The following EIF4ENIF1 variants were observed in gnomAD, a reference collection of about 807,000 sequenced individuals.
EIF4ENIF1 encodes the protein eukaryotic translation initiation factor 4E nuclear import factor 1, also known as eukaryotic translation initiation factor 4E transporter.
In EIF4ENIF1, 23 loss-of-function variants were observed where a neutral mutation model predicts 110.5. That is an observed-to-expected ratio of 0.21 (90% CI 0.15 to 0.29). The LOEUF is 0.29. Ranked by LOEUF, EIF4ENIF1 falls within the 10% of genes least tolerant of loss-of-function variation. The pLI, the probability that EIF4ENIF1 is intolerant of heterozygous loss-of-function variation, is 1.00. For synonymous variants in EIF4ENIF1, 440 were observed against 437.0 expected (o/e 1.01, Z -0.09); for missense variants, 1,031 against 1,221.1 (o/e 0.84, Z 2.32).
intron 3 of EIF4ENIF1, among the ~76,000 whole-genome samples, chr22:31,469,348 T>C (rs1215879318): frequency 3.3e-5 from 5 of 152,224 alleles, no homozygotes; most frequent in African/African-American, 1.2e-4. Flanking sequence ...ATGTTTGCAA[T>C]GATAAATTTT....
intron 15 of EIF4ENIF1, chr22:31,444,399 T>C: frequency 1.9e-6 from 1 of 519,544 alleles, no homozygotes. Flanking sequence ...GAACATATTT[T>C]CCCCAATATA....
chr22:31,491,947 A>C (rs2146136856), upstream of EIF4ENIF1, among the ~76,000 whole-genome samples: 2 of 152,320 alleles, frequency 1.3e-5, no homozygotes, highest in South Asian at 4.1e-4. Flanking sequence ...TTGCTCTCAA[A>C]TCTGCAAAAT....
chr22:31,473,583 C>T (rs2051465397), intron 2 of EIF4ENIF1, among the ~76,000 whole-genome samples: 1 of 152,112 alleles, frequency 6.6e-6, no homozygotes, highest in South Asian at 2.1e-4. Context: ...TAGTCCCTTT[C>T]TGTAAAAGAA....
At chr22:31,490,556 T>C (rs1233650518), upstream of EIF4ENIF1, among the ~76,000 whole-genome samples, 6 of 152,204 alleles carry the variant, frequency 3.9e-5, no homozygotes, top group African/African-American at 1.4e-4. Context: ...ATTGAAATGT[T>C]GTTTCCCTCC....
chr22:31,464,690 AAAAAAAAAAAT>A lies in EIF4ENIF1; in HGVS notation c.299-734_299-724del, dbSNP rs1368019477. Among the ~76,000 whole-genome samples the A allele has an allele frequency of 4.1e-4, 32 of 77,524 alleles. 1 individual carries two copies. In the East Asian group the frequency reaches 5.3e-3, roughly 13 times the overall value. 50.9% of individuals were successfully genotyped at this position (77,524 alleles called of 152,430 possible). A position where few individuals can be genotyped will look rare whatever the true frequency, so the allele number is the denominator to read the frequency against. ...GATTCAGTCTCAAAAAAAAAAAAAA[AAAAAAAAAAAT>A]ATATATATATATATATATATATATA... On this transcript the variant is annotated intron_variant, in intron 4 of 18. Transcript: ENST00000330125.
rs771399978 is a variant in EIF4ENIF1 at position 31,463,661 on chromosome 22, A to AG, written c.585+19_585+20insC. The AG allele has an allele frequency of 6.6e-7, 1 of 1,505,566 alleles. No homozygotes were observed. Among genetic ancestry groups the AG allele is most frequent in the South Asian group, 1.4e-5 (1 of 73,426 alleles). The allele number at this position is 1,505,566 out of a possible 1,614,324, so 93.3% of individuals were successfully genotyped here. A position where few individuals can be genotyped will look rare whatever the true frequency, so the allele number is the denominator to read the frequency against. On this transcript the variant is annotated intron_variant, in intron 5 of 18. Transcript: ENST00000330125. ...AACTCCGTCTCAATTTAAAAAAAAA[A>AG]AAAAAAAAAAAAGACAAACCCTGAA... is the stretch of plus-strand genomic sequence containing the variant.
chr22:31,444,716 G>GAACCCCA (rs1350847873), intron 14 of EIF4ENIF1, 26 bp from the exon 15 acceptor site: 2 of 1,609,104 alleles, frequency 1.2e-6, no homozygotes, highest in Admixed American at 3.3e-5. Context: ...TTATCAGCAT[G>GAACCCCA]AACCCCAATC....
intron 7 of EIF4ENIF1, among the ~76,000 whole-genome samples, chr22:31,458,114 AC>A (rs1696603283): frequency 6.6e-6 from 1 of 151,882 alleles, no homozygotes; most frequent in Non-Finnish European, 1.5e-5. Flanking sequence ...TGTGATCCCA[AC>A]TACTCAGGAG....
chr22:31,450,498 C>G (rs1025008472), intron 10 of EIF4ENIF1, 138 bp from the exon 11 acceptor site: 5 of 597,772 alleles, frequency 8.4e-6, no homozygotes, highest in African/African-American at 7.5e-5. Flanking sequence ...AAAACTTAGA[C>G]CAACGTGTTC....
At chr22:31,456,114 C>T (rs1314989384) in intron 7 of EIF4ENIF1, 127 bp from the exon 8 acceptor site, 2 of 936,336 alleles carry the variant, frequency 2.1e-6, no homozygotes, top group Non-Finnish European at 3.1e-6. Context: ...TAAATACTCT[C>T]AGAACCTAGG....
upstream of EIF4ENIF1, among the ~76,000 whole-genome samples, chr22:31,490,414 C>T (rs1037662518): frequency 4.4e-4 from 67 of 152,200 alleles, no homozygotes; most frequent in Non-Finnish European, 2.8e-4. Flanking sequence ...GCTGACTTAA[C>T]CTAAGTTTCG....
At chr22:31,458,733 G>T in intron 6 of EIF4ENIF1, 83 bp from the exon 7 acceptor site, 1 of 1,285,312 alleles carries the variant, frequency 7.8e-7, no homozygotes, top group Non-Finnish European at 1.0e-6. Context: ...CAGTATACAT[G>T]TAGAAGAGCC....
At chr22:31,486,161 T>C (rs1177986072) in intron 2 of EIF4ENIF1, among the ~76,000 whole-genome samples, 1 of 151,960 alleles carries the variant, frequency 6.6e-6, no homozygotes, top group Non-Finnish European at 1.5e-5. Flanking sequence ...TCCCAGCTAC[T>C]TGGGAGGCTG....
At position 31,463,621 on chromosome 22, in the gene EIF4ENIF1, G is replaced by A; in HGVS notation, c.585+60C>T. 3 of 1,458,694 alleles carry A rather than the reference G, an allele frequency of 2.1e-6. No individual in the cohort carries two copies. In the South Asian group the frequency reaches 4.3e-5, roughly 21 times the overall value. 90.4% of individuals were successfully genotyped at this position (1,458,694 alleles called of 1,614,324 possible). On this transcript the variant is annotated intron_variant, in intron 5 of 18. Coordinates refer to ENST00000330125, the MANE Select transcript of EIF4ENIF1 (RefSeq NM_019843.4). ...AGATCGTGCCATTGCACTCCAGCCTGGGCAACAAGAGCGAAACTCCGTCTC... is the reference window on the plus strand; with the variant it reads ...AGATCGTGCCATTGCACTCCAGCCTAGGCAACAAGAGCGAAACTCCGTCTC...
At chr22:31,470,939 G>A (rs934543258) in intron 3 of EIF4ENIF1, among the ~76,000 whole-genome samples, 32 of 151,208 alleles carry the variant, frequency 2.1e-4, no homozygotes, top group African/African-American at 7.3e-4. Flanking sequence ...TTGAACCTGG[G>A]AGGTGGAGGT....
In EIF4ENIF1 at chr22:31,462,969, T is replaced by C. The variant is rs1171452300; in HGVS notation, c.750A>G (p.Arg250=). The C allele has an allele frequency of 6.2e-7, 1 of 1,614,016 alleles. No individual in the cohort carries two copies. Among genetic ancestry groups the C allele is most frequent in the African/African-American group, 1.3e-5 (1 of 74,900 alleles). The change falls in exon 6 of 19, where the codon AGA becomes AGG. Residue 250 remains arginine, a synonymous_variant. Coordinates refer to ENST00000330125, the MANE Select transcript of EIF4ENIF1 (RefSeq NM_019843.4). The part of the protein sequence containing the change: ...DKILEEDHKG[R]KRTRRRTASV... ...AGGCTGTCCGTCGCCTTGTTCTTTT[T>C]CTCCCTTTGTGATCTTCTTCTAGTA...
chr22:31,490,346 C>G (rs1005905561), upstream of EIF4ENIF1, among the ~76,000 whole-genome samples: 1 of 152,246 alleles, frequency 6.6e-6, no homozygotes, highest in Admixed American at 6.5e-5. Context: ...GTCTTCCGAG[C>G]CTTCCCAGTG....
At chr22:31,467,262 T>C (rs2051221523) in intron 4 of EIF4ENIF1, among the ~76,000 whole-genome samples, 2 of 152,200 alleles carry the variant, frequency 1.3e-5, no homozygotes, top group African/African-American at 4.8e-5. Context: ...TGACAGACTG[T>C]GTAGAAGGGT....
chr22:31,450,823 CAT>C (rs1184151471), intron 10 of EIF4ENIF1: 31 of 157,008 alleles, frequency 2.0e-4, no homozygotes, highest in African/African-American at 3.2e-4. Flanking sequence ...TACACACATA[CAT>C]ACACACATAT....
Sources: allele counts gnomAD v4.1 joint callset (sites outside exome capture counted in the v4.1 genomes callset), GRCh38; gene constraint gnomAD v4.1.1; transcripts MANE v1.5; gene names NCBI Gene and HGNC (gene_info 2026-07-23, HGNC 2026-07-21).